The following LPCAT2 variants were observed in gnomAD, a reference collection of about 807,000 sequenced individuals.
The protein encoded by LPCAT2 is lysophosphatidylcholine acyltransferase 2.
A neutral mutation model predicts 64.7 loss-of-function variants in LPCAT2; 58 were observed. The observed-to-expected ratio is 0.90, with a 90% CI of 0.73 to 1.12. LPCAT2 has a LOEUF of 1.12. Among genes scored for constraint, LPCAT2 ranks in the 50% most tolerant of loss-of-function variants. The pLI is 0.00. For synonymous variants in LPCAT2, 252 were observed against 245.3 expected, an observed-to-expected ratio of 1.03 and a Z score of -0.26; for missense variants, 579 against 669.8, an observed-to-expected ratio of 0.86 and a Z score of 1.50.
intron 1 of LPCAT2, among the ~76,000 whole-genome samples, chr16:55,510,166 C>G (rs1409886434): frequency 6.6e-6 from 1 of 151,936 alleles, no homozygotes; most frequent in Admixed American, 6.6e-5. Flanking sequence ...AAAGGGACAA[C>G]TGAGTCAGCT....
chr16:55,569,288 C>G (rs73551771), intron 11 of LPCAT2, among the ~76,000 whole-genome samples: 1,681 of 152,268 alleles, frequency 0.011, 21 homozygotes, highest in African/African-American at 0.028. Context: ...CCACTTTCCT[C>G]AAGGGACTTG....
At chr16:55,549,091 C>A (rs1394968844) in intron 9 of LPCAT2, among the ~76,000 whole-genome samples, 186 bp from the exon 10 acceptor site, 1 of 152,064 alleles carries the variant, frequency 6.6e-6, no homozygotes, top group Non-Finnish European at 1.5e-5. Flanking sequence ...TTAACTTGAT[C>A]CTTAGTAAGT....
At chr16:55,547,384 C>G (rs530417603) in intron 9 of LPCAT2, among the ~76,000 whole-genome samples, 1 of 152,200 alleles carries the variant, frequency 6.6e-6, no homozygotes, top group African/African-American at 2.4e-5. Context: ...AAATCATTGC[C>G]TTGCCTTTCT....
At chr16:55,558,141 C>G (rs1963598077) in intron 11 of LPCAT2, among the ~76,000 whole-genome samples, 1 of 152,156 alleles carries the variant, frequency 6.6e-6, no homozygotes, top group Non-Finnish European at 1.5e-5. Flanking sequence ...GAGCTAAGAG[C>G]TTAAACAATG....
chr16:55,541,991 T>G, intron 8 of LPCAT2: 1 of 1,173,708 alleles, frequency 8.5e-7, no homozygotes, highest in South Asian at 1.4e-5. Context: ...TTATTTTCTG[T>G]TACAAGGAAA....
rs1263435570 is a variant in LPCAT2 at position 55,585,547 on chromosome 16, T to C, written c.*2449T>C. The C allele has an allele frequency of 6.6e-6, 1 of 152,238 alleles. No individual in the cohort carries two copies. The highest frequency in any genetic ancestry group is 1.5e-5 in the Non-Finnish European group (1 of 68,050). 9.4% of individuals were successfully genotyped at this position (152,238 alleles called of 1,614,324 possible). On this transcript the variant is annotated 3_prime_UTR_variant, in exon 14 of 14. Coordinates refer to ENST00000262134, the MANE Select transcript of LPCAT2 (RefSeq NM_017839.5). Reference sequence around the variant, plus strand: ...GTCAGTTAAATGCACCATGGCTTCATATAGTAATATAAAAAAACTCTTTGA... The same window carrying C: ...GTCAGTTAAATGCACCATGGCTTCACATAGTAATATAAAAAAACTCTTTGA...
At chr16:55,551,274 T>C (rs1963514486) in intron 11 of LPCAT2, 172 bp downstream of exon 11, 1 of 396,838 alleles carries the variant, frequency 2.5e-6, no homozygotes. Flanking sequence ...ATATTAATAA[T>C]TGTGTGTGTG....
At chr16:55,539,312 C>A (rs1220364671) in intron 8 of LPCAT2, 1 of 148,058 alleles carries the variant, frequency 6.8e-6, no homozygotes, top group African/African-American at 2.5e-5. Context: ...AGTTCTGAGA[C>A]CTGTTTGGAT....
intron 11 of LPCAT2, among the ~76,000 whole-genome samples, chr16:55,561,789 G>A (rs945196590): frequency 6.6e-6 from 1 of 151,940 alleles, no homozygotes; most frequent in African/African-American, 2.4e-5. Flanking sequence ...GTTCTTTTGT[G>A]ATACTTTTGC....
intron 8 of LPCAT2, 141 bp from the exon 9 acceptor site, chr16:55,545,594 C>T: frequency 1.7e-6 from 1 of 586,340 alleles, no homozygotes; most frequent in South Asian, 2.4e-5. Context: ...TGAGTACAAG[C>T]CCAGTGCCCC....
chr16:55,568,981 C>G (rs989221652), intron 11 of LPCAT2, among the ~76,000 whole-genome samples: 1 of 152,148 alleles, frequency 6.6e-6, no homozygotes, highest in Non-Finnish European at 1.5e-5. Flanking sequence ...TTGGTCTCTA[C>G]CCATTCTGCT....
At chr16:55,528,665 A>G in intron 3 of LPCAT2, 71 bp downstream of exon 3, 1 of 1,147,234 alleles carries the variant, frequency 8.7e-7, no homozygotes, top group Non-Finnish European at 1.3e-6. Context: ...AATCATATAT[A>G]GTTCATTGAT....
chr16:55,516,130 G>A lies in LPCAT2; in HGVS notation c.171+6778G>A, dbSNP rs115419757. ...TATTCATTTATTTACTTAAAGGCAG[G>A]GTCTCACTCTGTCGCCCAGGCTGGA... is the stretch of plus-strand genomic sequence containing the variant. On this transcript the variant is annotated intron_variant, in intron 1 of 13. Transcript: ENST00000262134. Among the ~76,000 whole-genome samples the A allele has an allele frequency of 8.9e-3, 1,348 of 152,142 alleles. 27 individuals carry two copies. Among genetic ancestry groups the A allele is most frequent in the African/African-American group, 0.031 (1,274 of 41,482 alleles).
chr16:55,552,217 C>T (rs1367085523), intron 11 of LPCAT2, among the ~76,000 whole-genome samples: 2 of 152,096 alleles, frequency 1.3e-5, no homozygotes, highest in African/African-American at 4.8e-5. Flanking sequence ...TTGAGTATGG[C>T]TTCTTTCACC....
At chr16:55,526,063 T>TA (rs1358447657) in intron 2 of LPCAT2, 1 of 152,650 alleles carries the variant, frequency 6.6e-6, no homozygotes, top group East Asian at 1.9e-4. Context: ...CCTCTACAGC[T>TA]TTCTGCAGTG....
Position 55,550,955 on chromosome 16 carries a change from T to A in LPCAT2, c.1068T>A (p.Asp356Glu). 1 of 1,596,724 alleles carries A rather than the reference T, an allele frequency of 6.3e-7. No homozygotes were observed. Among genetic ancestry groups the A allele is most frequent in the South Asian group, 1.1e-5 (1 of 88,816 alleles). ...FTKISRKLKL[D>E]WDGVRKHLDE... ...TAATTCTTTGTTTGTTTAGATTAGA[T>A]TGGGATGGTGTTCGTAAGCATTTGG... The change falls in exon 11 of 14, where the codon GAT becomes GAA. Residue 356 changes from aspartate (D) to glutamate (E), a missense_variant. Transcript: ENST00000262134.
chr16:55,523,263 C>T (rs1414860788), intron 1 of LPCAT2, among the ~76,000 whole-genome samples: 1 of 151,566 alleles, frequency 6.6e-6, no homozygotes, highest in East Asian at 1.9e-4. Context: ...CCTTTTATAC[C>T]CACTTTAATG....
intron 11 of LPCAT2, chr16:55,567,015 C>CT: frequency 6.2e-7 from 1 of 1,613,916 alleles, no homozygotes; most frequent in Non-Finnish European, 8.5e-7. Flanking sequence ...ACAATTTACA[C>CT]AGCTGGCTGG....
At chr16:55,537,485 G>C in intron 7 of LPCAT2, 93 bp from the exon 8 acceptor site, 1 of 942,750 alleles carries the variant, frequency 1.1e-6, no homozygotes, top group Non-Finnish European at 1.6e-6. Context: ...AGTGTGATGT[G>C]AGGGTATTTG....
Sources: allele counts gnomAD v4.1 joint callset (sites outside exome capture counted in the v4.1 genomes callset), GRCh38; gene constraint gnomAD v4.1.1; transcripts MANE v1.5; gene names NCBI Gene and HGNC (gene_info 2026-07-23, HGNC 2026-07-21).